RAD54L2: variants seen among roughly 807,000 people sequenced by gnomAD.
The protein encoded by RAD54L2 is RAD54 like 2.
In RAD54L2, 27 loss-of-function variants were observed where a neutral mutation model predicts 138.4. The observed-to-expected ratio is 0.20, with a 90% CI of 0.14 to 0.27. RAD54L2 has a LOEUF of 0.27. RAD54L2 is among the 10% of genes least tolerant of loss of function. The pLI is 1.00. For synonymous variants in RAD54L2, 644 were observed against 723.2 expected (o/e 0.89, Z 1.76); for missense variants, 1,396 against 1,890.2 (o/e 0.74, Z 4.85).
intron 2 of RAD54L2, among the ~76,000 whole-genome samples, chr3:51,567,166 A>C (rs547907396): frequency 6.6e-6 from 1 of 152,178 alleles, no homozygotes; most frequent in Admixed American, 6.5e-5. Context: ...TCTCAAGAGT[A>C]TTAGTCTTGT....
chr3:51,545,713 G>A (rs1476396219), intron 2 of RAD54L2, among the ~76,000 whole-genome samples: 1 of 151,862 alleles, frequency 6.6e-6, no homozygotes, highest in Non-Finnish European at 1.5e-5. Context: ...TTGAGTAGCT[G>A]GGAGTACAGG....
At chr3:51,581,418 T>C (rs1699606589) in intron 2 of RAD54L2, among the ~76,000 whole-genome samples, 1 of 152,198 alleles carries the variant, frequency 6.6e-6, no homozygotes, top group Non-Finnish European at 1.5e-5. Context: ...AGGATTCATA[T>C]AGAATTCCTG....
chr3:51,657,781 A>G, intron 21 of RAD54L2, 112 bp downstream of exon 21: 1 of 747,014 alleles, frequency 1.3e-6, no homozygotes, highest in Non-Finnish European at 2.3e-6. Flanking sequence ...TCATCCCATT[A>G]GGATGTCACA....
intron 2 of RAD54L2, among the ~76,000 whole-genome samples, chr3:51,544,773 T>A (rs534774154): frequency 5.8e-4 from 88 of 152,268 alleles, no homozygotes; most frequent in East Asian, 5.8e-4. Context: ...CCTGGCTAAT[T>A]TTTGTATTTT....
At chr3:51,654,333 G>A (rs1701538436) in intron 19 of RAD54L2, among the ~76,000 whole-genome samples, 1 of 152,152 alleles carries the variant, frequency 6.6e-6, no homozygotes, top group African/African-American at 2.4e-5. Flanking sequence ...ACAGACATAA[G>A]CCATCATGCC....
chr3:51,601,932 C>T (rs1577416353), intron 3 of RAD54L2, among the ~76,000 whole-genome samples: 1 of 151,746 alleles, frequency 6.6e-6, no homozygotes, highest in South Asian at 2.1e-4. Context: ...TCTCGGCTTA[C>T]TGCAACCTCT....
intron 2 of RAD54L2, among the ~76,000 whole-genome samples, chr3:51,582,746 A>C (rs1232992250): frequency 2.6e-5 from 4 of 151,916 alleles, no homozygotes; most frequent in Non-Finnish European, 4.4e-5. Flanking sequence ...TCCTACTTGA[A>C]GGGTCTAAGC....
chr3:51,645,902 A>G lies in RAD54L2; in HGVS notation c.2829+139A>G. On this transcript the variant is annotated intron_variant, in intron 18 of 22. Coordinates refer to ENST00000684192, the MANE Select transcript of RAD54L2 (RefSeq NM_015106.4). This position sits in a 1 kb window ranked among gnomAD's most constrained non-coding sequence, Gnocchi z 6.1. The stretch of plus-strand genomic sequence containing the variant: ...CTCAAGGACTTCTTTTTCTTGCCCC[A>G]CTCAGTCCCCCTCCCTTCCCACAAC... 2 of 939,202 alleles carry G rather than the reference A, an allele frequency of 2.1e-6. No individual in the cohort carries two copies. The highest frequency in any genetic ancestry group is 1.8e-5 in the South Asian group (1 of 54,712). 58.2% of individuals were successfully genotyped at this position (939,202 alleles called of 1,614,324 possible).
chr3:51,637,534 A>G lies in RAD54L2; in HGVS notation c.1682+31A>G. The G allele has an allele frequency of 3.8e-6, 6 of 1,578,220 alleles. No homozygotes were observed. Among genetic ancestry groups the G allele is most frequent in the Non-Finnish European group, 5.2e-6 (6 of 1,158,676 alleles). On this transcript the variant is annotated intron_variant, in intron 11 of 22. Coordinates refer to ENST00000684192, the MANE Select transcript of RAD54L2 (RefSeq NM_015106.4). The surrounding 1 kb of genome is among the most constrained non-coding windows in gnomAD (Gnocchi z 5.9). The stretch of plus-strand genomic sequence containing the variant: ...CCATCCTCAGGGTCCTGCTTCCTGA[A>G]TTTTCAGAGGGCCCTGTTGCCAAGG...
intron 2 of RAD54L2, among the ~76,000 whole-genome samples, chr3:51,571,067 C>T (rs141420292): frequency 2.6e-5 from 4 of 151,862 alleles, no homozygotes; most frequent in Middle Eastern, 3.4e-3. Context: ...GTGATACACC[C>T]GCCTCAGCCT....
intron 2 of RAD54L2, among the ~76,000 whole-genome samples, chr3:51,588,534 C>CAAAAA (rs71633079): frequency 7.3e-3 from 322 of 44,060 alleles, no homozygotes; most frequent in Middle Eastern, 0.011. Context: ...AACTGCATCT[C>CAAAAA]AAAAAAAAAA....
At chr3:51,627,817 C>G in intron 4 of RAD54L2, 63 bp downstream of exon 4, 1 of 1,549,300 alleles carries the variant, frequency 6.5e-7, no homozygotes, top group Non-Finnish European at 8.9e-7. Flanking sequence ...CATCTTAAGG[C>G]TGTCAATAGC....
Position 51,663,041 on chromosome 3 carries a change from T to C in RAD54L2, c.4025T>C (p.Val1342Ala). ...GCAGATGCCCGCCTGGTGTTTCCAGTGACTACTGACCCTCTGGTGCCAGCA... is the reference window on the plus strand; with the variant it reads ...GCAGATGCCCGCCTGGTGTTTCCAGCGACTACTGACCCTCTGGTGCCAGCA... ...LLADARLVFP[V>A]TTDPLVPAGP... Residue 1342 changes from valine (V) to alanine (A), a missense_variant, in exon 23 of 23, where the codon GTG becomes GCG. Val to Ala is a moderately conservative substitution (Grantham distance 64). Around this residue, in one of 7 missense-constraint regions of RAD54L2, gnomAD observed 634 missense variants for 711.2 expected, o/e 0.89. Coordinates refer to ENST00000684192, the MANE Select transcript of RAD54L2 (RefSeq NM_015106.4). 9 of 1,613,964 alleles carry C rather than the reference T, an allele frequency of 5.6e-6. No homozygotes were observed. In the South Asian group the frequency reaches 7.7e-5, roughly 14 times the overall value.
intron 3 of RAD54L2, among the ~76,000 whole-genome samples, chr3:51,626,384 G>C (rs1443727002): frequency 7.4e-6 from 1 of 135,668 alleles, no homozygotes; most frequent in Non-Finnish European, 1.5e-5. Context: ...TCCAACCCCA[G>C]TCCTTGCTGG....
At chr3:51,618,134 ATTTTTTT>A (rs58259844) in intron 3 of RAD54L2, among the ~76,000 whole-genome samples, 5 of 112,140 alleles carry the variant, frequency 4.5e-5, no homozygotes, top group African/African-American at 1.6e-4. Context: ...AATATTTTGT[ATTTTTTT>A]TTTTTTTTTT....
At chr3:51,631,453 T>C (rs1163580438) in intron 7 of RAD54L2, among the ~76,000 whole-genome samples, 1 of 143,514 alleles carries the variant, frequency 7.0e-6, no homozygotes, top group Non-Finnish European at 1.5e-5. Context: ...TGAGACAGGG[T>C]CTTGCTCTGT....
chr3:51,583,762 C>T (rs1432536025), intron 2 of RAD54L2, among the ~76,000 whole-genome samples: 3 of 151,774 alleles, frequency 2.0e-5, no homozygotes, highest in Non-Finnish European at 4.4e-5. Flanking sequence ...AATTGTAATA[C>T]AGAGTTTGAA....
chr3:51,607,801 G>A (rs1297851504), intron 3 of RAD54L2, among the ~76,000 whole-genome samples: 3 of 151,156 alleles, frequency 2.0e-5, no homozygotes, highest in African/African-American at 2.4e-5. Context: ...GGTGGCGGCC[G>A]GGCAGAGGGG....
chr3:51,656,569 G>C (rs1701605959), intron 20 of RAD54L2, among the ~76,000 whole-genome samples: 1 of 152,158 alleles, frequency 6.6e-6, no homozygotes, highest in Non-Finnish European at 1.5e-5. Context: ...ATTGTCACTT[G>C]CGTCTACCTT....
Sources: gnomAD v4.1 joint callset for allele counts (sites outside exome capture counted in the v4.1 genomes callset) on GRCh38, gnomAD v4.1.1 for gene constraint, gnomAD v4.1.1 regional missense constraint, Gnocchi (gnomAD v3.1) non-coding constraint, MANE v1.5 for transcripts, NCBI Gene and HGNC (gene_info 2026-07-23, HGNC 2026-07-21) for gene names.